The following ANKRD11 variants were observed in gnomAD, a reference collection of about 807,000 sequenced individuals.
The protein encoded by ANKRD11 is ankyrin repeat domain 11, also known as ankyrin repeat domain-containing protein 11.
A neutral mutation model predicts 195.7 loss-of-function variants in ANKRD11; 17 were observed. That is an observed-to-expected ratio of 0.09 (90% CI 0.06 to 0.13). The LOEUF (loss-of-function observed/expected upper bound fraction) is 0.13, where lower values mean the gene tolerates loss of function less well. Ranked by LOEUF, ANKRD11 falls within the 10% of genes least tolerant of loss-of-function variation. The probability of loss-of-function intolerance (pLI) is 1.00; values close to 1 mark genes in which losing one functional copy is unlikely to be tolerated. For synonymous variants in ANKRD11, 1,953 were observed against 1,528.1 expected (o/e 1.28, Z -6.49); for missense variants, 3,735 against 3,566.1 (o/e 1.05, Z -1.21).
chr16:89,275,237 C>G, intron 9 of ANKRD11, 46 bp from the exon 10 acceptor site: 1 of 1,517,988 alleles, frequency 6.6e-7, no homozygotes, highest in Middle Eastern at 2.2e-4. Context: ...GGCTGTGGAA[C>G]TGCACGAAGG....
intron 1 of ANKRD11, among the ~76,000 whole-genome samples, chr16:89,489,771 G>A (rs552532520): frequency 4.3e-5 from 2 of 46,906 alleles, no homozygotes; most frequent in Non-Finnish European, 8.2e-5. Flanking sequence ...CGGCCGCTCC[G>A]AGCCCCCGAG....
At chr16:89,278,798 G>T (rs1285208598) in intron 9 of ANKRD11, 2 of 638,638 alleles carry the variant, frequency 3.1e-6, no homozygotes, top group East Asian at 6.4e-5. Context: ...CCACACGAGT[G>T]GGACCGGGGT....
intron 2 of ANKRD11, among the ~76,000 whole-genome samples, chr16:89,366,170 T>G (rs1475158559): frequency 2.0e-5 from 3 of 151,954 alleles, no homozygotes; most frequent in Non-Finnish European, 4.4e-5. Flanking sequence ...CTCATTCTTT[T>G]TCATGGCTGC....
intron 2 of ANKRD11, among the ~76,000 whole-genome samples, chr16:89,362,598 A>G (rs1188416899): frequency 6.6e-6 from 1 of 152,262 alleles, no homozygotes; most frequent in African/African-American, 2.4e-5. Context: ...CTAATTAAAA[A>G]TAAATAGTAA....
At chr16:89,409,497 G>A (rs2042035512) in intron 2 of ANKRD11, among the ~76,000 whole-genome samples, 1 of 152,208 alleles carries the variant, frequency 6.6e-6, no homozygotes. Context: ...TGAGGGAGAT[G>A]AGCAAGACAG....
intron 4 of ANKRD11, 142 bp downstream of exon 4, chr16:89,305,064 C>G: frequency 7.5e-7 from 1 of 1,325,076 alleles, no homozygotes; most frequent in Non-Finnish European, 1.0e-6. Flanking sequence ...TCCGCCCCTG[C>G]TGCCTCTTGC....
chr16:89,284,528 T>C lies in ANKRD11; in HGVS notation c.2014A>G (p.Ile672Val). 1.9e-6 allele frequency: 3 copies of C among 1,614,180 alleles called. No homozygotes were observed. The highest frequency in any genetic ancestry group is 2.5e-6 in the Non-Finnish European group (3 of 1,180,036). The change falls in exon 9 of 13, where the codon ATA becomes GTA. Residue 672 changes from isoleucine (I) to valine (V), a missense_variant. Coordinates refer to ENST00000301030, the MANE Select transcript of ANKRD11 (RefSeq NM_013275.6). ...EDSKQKSDKA[I>V]LLENDLSTEN... is the part of the protein sequence containing the mutation. ...GTGGAAAGATCATTCTCTAACAGTA[T>C]AGCCTTATCTGACTTCTGCTTGGAG...
chr16:89,466,499 T>C (rs1417213143), intron 1 of ANKRD11, among the ~76,000 whole-genome samples: 1 of 152,040 alleles, frequency 6.6e-6, no homozygotes, highest in Non-Finnish European at 1.5e-5. Context: ...GTGAACCAGA[T>C]CTCGTTCATT....
In ANKRD11 at chr16:89,290,886, A is replaced by G. The variant is rs1264657630; in HGVS notation, c.398-58T>C. 5.6e-6 allele frequency: 9 copies of G among 1,610,350 alleles called. No homozygotes were observed. The Admixed American group carries it at 1.0e-4, about 18-fold the overall frequency. On this transcript the variant is annotated intron_variant, in intron 5 of 12. Coordinates refer to ENST00000301030, the MANE Select transcript of ANKRD11 (RefSeq NM_013275.6). ...CTGTGGGGTGGTCCTGCTTTGTCCA[A>G]TCTTCAAGAGCCCAGGCCACCATCA...
intron 2 of ANKRD11, among the ~76,000 whole-genome samples, chr16:89,352,703 T>A (rs1462958263): frequency 6.6e-6 from 1 of 152,188 alleles, no homozygotes; most frequent in African/African-American, 2.4e-5. Flanking sequence ...TTCACCAGTT[T>A]ATTGAAGCCT....
rs1322142967 is a variant in ANKRD11, at chr16:89,282,748, G to C, written c.3794C>G (p.Ser1265Cys). 1 of 1,613,420 alleles carries C rather than the reference G, an allele frequency of 6.2e-7. No individual in the cohort carries two copies. The highest frequency in any genetic ancestry group is 8.5e-7 in the Non-Finnish European group (1 of 1,179,978). Residue 1265 changes from serine (S) to cysteine (C), a missense_variant, in exon 9 of 13, where the codon TCC (serine) becomes TGC (cysteine). By Grantham distance (112) the Ser-to-Cys change is moderately radical. Transcript: ENST00000301030. ...ACTTCTCGAGGACTTCCTCTCCTTG[G>C]AATGTTCTTTGTCCGACTTCTCTTT... is the stretch of plus-strand genomic sequence containing the variant. ...KHKEKSDKEH[S>C]KERKSSRSAD...
intron 1 of ANKRD11, among the ~76,000 whole-genome samples, chr16:89,444,802 T>A (rs1413310561): frequency 1.3e-5 from 2 of 151,260 alleles, no homozygotes; most frequent in Non-Finnish European, 2.9e-5. Context: ...AAATAAAATG[T>A]AAAAAAAAGA....
intron 2 of ANKRD11, among the ~76,000 whole-genome samples, chr16:89,348,616 T>C (rs1397198033): frequency 6.6e-6 from 1 of 152,224 alleles, no homozygotes; most frequent in Non-Finnish European, 1.5e-5. Flanking sequence ...AAAATTTCAA[T>C]TTCTTTAATA....
intron 2 of ANKRD11, among the ~76,000 whole-genome samples, chr16:89,332,655 C>T (rs866526049): frequency 6.6e-6 from 1 of 152,188 alleles, no homozygotes; most frequent in African/African-American, 2.4e-5. Context: ...AAAAAGCAAA[C>T]GACAAACACA....
chr16:89,447,956 C>A lies in ANKRD11; in HGVS notation c.-144-29588G>T, dbSNP rs78150682. Among the ~76,000 whole-genome samples the A allele has an allele frequency of 0.05, 7,624 of 152,104 alleles. 345 individuals are homozygous for A. The highest frequency in any genetic ancestry group is 0.23 in the East Asian group (1,165 of 5,162). On this transcript the variant is annotated intron_variant, in intron 1 of 12. Coordinates refer to ENST00000301030, the MANE Select transcript of ANKRD11 (RefSeq NM_013275.6). The stretch of plus-strand genomic sequence containing the variant: ...GGTAGCTGGGACTACAGGCGCCCAC[C>A]ACCACGCCTGGCTCATTTTTGTATT...
rs2034408000 is a variant in ANKRD11, at chr16:89,283,224, C to T, written c.3318G>A (p.Lys1106=). The T allele has an allele frequency of 6.2e-7, 1 of 1,614,058 alleles. No individual in the cohort carries two copies. Among genetic ancestry groups the T allele is most frequent in the Admixed American group, 1.7e-5 (1 of 60,004 alleles). Residue 1106 remains lysine (K), a synonymous_variant, in exon 9 of 13, where the codon AAG becomes AAA. Coordinates refer to ENST00000301030, the MANE Select transcript of ANKRD11 (RefSeq NM_013275.6). This position sits in a 1 kb window ranked among gnomAD's most constrained non-coding sequence, Gnocchi z 4.3. ...SEDFSEKKDD[K]KGKEKSWYIA... ...TGTACCAGCTTTTCTCTTTGCCTTT[C>T]TTGTCATCTTTTTTTTCAGAGAAGT...
chr16:89,324,443 G>A (rs2037570211), intron 2 of ANKRD11: 1 of 462,440 alleles, frequency 2.2e-6, no homozygotes, highest in Non-Finnish European at 4.3e-6. Flanking sequence ...GTAAGTGTGA[G>A]GGTTACTACT....
rs1297687378 is a variant in ANKRD11, at chr16:89,317,050, A to G, written c.-31T>C. 1 of 1,602,452 alleles carries G rather than the reference A, an allele frequency of 6.2e-7. No homozygotes were observed. The highest frequency in any genetic ancestry group is 8.5e-7 in the Non-Finnish European group (1 of 1,174,096). On this transcript the variant is annotated 5_prime_UTR_variant, in exon 3 of 13. Coordinates refer to ENST00000301030, the MANE Select transcript of ANKRD11 (RefSeq NM_013275.6). ...TGCTCCTCACCCGATCTTCATTTAC[A>G]CGGCCGGCGCTTCATCATCAACCGT...
intron 1 of ANKRD11, among the ~76,000 whole-genome samples, chr16:89,438,769 G>A (rs1329292218): frequency 6.6e-6 from 1 of 152,072 alleles, no homozygotes; most frequent in Non-Finnish European, 1.5e-5. Context: ...CATTTAGGAG[G>A]CCGAGGTGGG....
Sources: gnomAD v4.1 joint callset for allele counts (sites outside exome capture counted in the v4.1 genomes callset) on GRCh38, gnomAD v4.1.1 for gene constraint, Gnocchi (gnomAD v3.1) non-coding constraint, MANE v1.5 for transcripts, NCBI Gene and HGNC (gene_info 2026-07-23, HGNC 2026-07-21) for gene names.